Variants in SLC7A2 observed in about 807,000 individuals in gnomAD.
The protein encoded by SLC7A2 is cationic amino acid transporter 2.
A neutral mutation model predicts 58.9 loss-of-function variants in SLC7A2; 48 were observed. The observed-to-expected ratio is 0.82, with a 90% CI of 0.65 to 1.04. SLC7A2 has a LOEUF of 1.04. Ranked by LOEUF, SLC7A2 falls within the 50% of genes least tolerant of loss-of-function variation. SLC7A2 has a pLI of 0.00. For synonymous variants in SLC7A2, 363 were observed against 314.5 expected (o/e 1.15, Z -1.63); for missense variants, 1,029 against 818.8 (o/e 1.26, Z -3.13).
intron 2 of SLC7A2, among the ~76,000 whole-genome samples, chr8:17,543,108 G>A (rs1801985132): frequency 6.6e-6 from 1 of 152,000 alleles, no homozygotes; most frequent in Non-Finnish European, 1.5e-5. Flanking sequence ...ACAGGAAATT[G>A]AACTACAGGA....
intron 2 of SLC7A2, among the ~76,000 whole-genome samples, chr8:17,509,309 C>T (rs945491197): frequency 6.6e-6 from 1 of 151,664 alleles, no homozygotes; most frequent in African/African-American, 2.4e-5. Context: ...TTTCCTTATT[C>T]TTCTTCTTCT....
At chr8:17,494,545 C>A (rs1254330034), upstream of SLC7A2, among the ~76,000 whole-genome samples, 2 of 152,238 alleles carry the variant, frequency 1.3e-5, no homozygotes, top group Middle Eastern at 3.4e-3. Context: ...AATTCAACCC[C>A]GGGCAGCAAG....
chr8:17,565,375 A>G lies in SLC7A2; in HGVS notation c.*229A>G, dbSNP rs1243930345. ...CATCAGTGATGAATAGCCCCCAAAC[A>G]GTGGGAGTGTGTATGTATGTGTGTA... On this transcript the variant is annotated 3_prime_UTR_variant, in exon 13 of 13. Transcript: ENST00000494857. The G allele has an allele frequency of 3.8e-6, 2 of 523,732 alleles. No individual in the cohort carries two copies. Among genetic ancestry groups the G allele is most frequent in the Non-Finnish European group, 6.8e-6 (2 of 294,510 alleles). The allele number at this position is 523,732 out of a possible 1,614,324, so 32.4% of individuals were successfully genotyped here.
At chr8:17,499,563 A>AT (rs1193235754) in intron 1 of SLC7A2, among the ~76,000 whole-genome samples, 1 of 149,728 alleles carries the variant, frequency 6.7e-6, no homozygotes, top group Admixed American at 6.7e-5. Flanking sequence ...GAACACACTG[A>AT]TTTTAAAGAC....
intron 9 of SLC7A2, among the ~76,000 whole-genome samples, chr8:17,559,113 T>C (rs373324347): frequency 1.3e-5 from 2 of 152,110 alleles, no homozygotes; most frequent in East Asian, 3.9e-4. Flanking sequence ...TATTTCTTTA[T>C]ATGGAGGGAA....
chr8:17,540,497 C>G (rs1035892962), intron 2 of SLC7A2, among the ~76,000 whole-genome samples: 4 of 151,972 alleles, frequency 2.6e-5, no homozygotes, highest in East Asian at 1.9e-4. Flanking sequence ...AGACCTCCCC[C>G]CAACCCCTCC....
In SLC7A2 at chr8:17,567,440, C is replaced by G. The variant is rs1803314802; in HGVS notation, c.*2294C>G. The G allele has an allele frequency of 6.6e-6, 1 of 152,646 alleles. No homozygotes were observed. Among genetic ancestry groups the G allele is most frequent in the Non-Finnish European group, 1.5e-5 (1 of 68,046 alleles). 9.5% of individuals were successfully genotyped at this position (152,646 alleles called of 1,614,324 possible). On this transcript the variant is annotated 3_prime_UTR_variant, in exon 13 of 13. Transcript: ENST00000494857. ...GAAAAATTATTTTTCCACATTGAAA[C>G]ACTTTGCAGACACAAATATCTATGA...
intron 10 of SLC7A2, among the ~76,000 whole-genome samples, chr8:17,561,035 A>G (rs1411126450): frequency 6.6e-6 from 1 of 152,212 alleles, no homozygotes; most frequent in Non-Finnish European, 1.5e-5. Flanking sequence ...CCTTTACAGG[A>G]CAGGATAATT....
At chr8:17,551,260 T>C (rs943279833) in intron 6 of SLC7A2, among the ~76,000 whole-genome samples, 1 of 152,196 alleles carries the variant, frequency 6.6e-6, no homozygotes, top group African/African-American at 2.4e-5. Context: ...ATCGGATTTT[T>C]ACGTAATAAG....
intron 2 of SLC7A2, among the ~76,000 whole-genome samples, chr8:17,508,409 G>GA (rs905207045): frequency 6.6e-6 from 1 of 152,056 alleles, no homozygotes; most frequent in African/African-American, 2.4e-5. Context: ...GGTATTGTTG[G>GA]ATGCCCTGTC....
intron 2 of SLC7A2, among the ~76,000 whole-genome samples, chr8:17,532,697 GA>G: frequency 6.6e-6 from 1 of 152,216 alleles, no homozygotes; most frequent in East Asian, 1.9e-4. Context: ...ATAGAAATGT[GA>G]CAAGCACATC....
intron 2 of SLC7A2, among the ~76,000 whole-genome samples, chr8:17,515,330 C>G (rs1350163885): frequency 1.3e-5 from 2 of 150,696 alleles, no homozygotes; most frequent in Non-Finnish European, 2.9e-5. Flanking sequence ...GGAGTCTTGC[C>G]CTGTCTCCAG....
At chr8:17,527,139 A>G (rs1801253648) in intron 2 of SLC7A2, among the ~76,000 whole-genome samples, 1 of 152,200 alleles carries the variant, frequency 6.6e-6, no homozygotes, top group Non-Finnish European at 1.5e-5. Flanking sequence ...TAGGGTACTT[A>G]ATGCATGATT....
chr8:17,536,401 C>T (rs1278344547), intron 2 of SLC7A2, among the ~76,000 whole-genome samples: 1 of 152,018 alleles, frequency 6.6e-6, no homozygotes, highest in Non-Finnish European at 1.5e-5. Flanking sequence ...CCTGTCTCTA[C>T]CAAAAATACA....
At chr8:17,527,796 AC>A (rs1801278813) in intron 2 of SLC7A2, among the ~76,000 whole-genome samples, 1 of 152,128 alleles carries the variant, frequency 6.6e-6, no homozygotes, top group Non-Finnish European at 1.5e-5. Context: ...GCCTGCAAAG[AC>A]CCTGTTTCCC....
At chr8:17,535,661 G>C (rs1470746800) in intron 2 of SLC7A2, among the ~76,000 whole-genome samples, 1 of 152,176 alleles carries the variant, frequency 6.6e-6, no homozygotes, top group Non-Finnish European at 1.5e-5. Context: ...CCAGCACTTT[G>C]GGAAGCCAAG....
chr8:17,502,632 G>T (rs1207125035), intron 2 of SLC7A2, among the ~76,000 whole-genome samples: 1 of 152,090 alleles, frequency 6.6e-6, no homozygotes, highest in African/African-American at 2.4e-5. Flanking sequence ...GAAAATTTTT[G>T]ATAATCATTC....
intron 2 of SLC7A2, among the ~76,000 whole-genome samples, chr8:17,521,964 C>G (rs191048424): frequency 6.6e-6 from 1 of 152,190 alleles, no homozygotes; most frequent in Non-Finnish European, 1.5e-5. Context: ...GCTACAGAAT[C>G]TTACTGAGAC....
chr8:17,544,722 A>G (rs1802084218), intron 4 of SLC7A2, 116 bp downstream of exon 4: 2 of 819,660 alleles, frequency 2.4e-6, no homozygotes, highest in Non-Finnish European at 3.8e-6. Flanking sequence ...ATATTTACAC[A>G]TTTATGTCAC....
Sources: gnomAD v4.1 joint callset for allele counts (sites outside exome capture counted in the v4.1 genomes callset) on GRCh38, gnomAD v4.1.1 for gene constraint, MANE v1.5 for transcripts, NCBI Gene and HGNC (gene_info 2026-07-23, HGNC 2026-07-21) for gene names.